TENM3: variants seen among roughly 807,000 people sequenced by gnomAD.
The protein encoded by TENM3 is teneurin-3.
A neutral mutation model predicts 255.1 loss-of-function variants in TENM3; 63 were observed. The ratio of observed to expected loss-of-function variants is 0.25; its 90% confidence interval spans 0.20 to 0.30. TENM3 has a LOEUF of 0.30. Among genes scored for constraint, TENM3 ranks in the 10% least tolerant of loss-of-function variants. TENM3 has a pLI of 1.00. For synonymous variants in TENM3, 1,306 were observed against 1,322.3 expected (o/e 0.99, Z 0.27); for missense variants, 2,929 against 3,461.1 (o/e 0.85, Z 3.86).
At chr4:181,854,565 G>A in the TENM3 span, among the ~76,000 whole-genome samples, 37 of 152,164 alleles carry the variant, frequency 2.4e-4, no homozygotes, top group Middle Eastern at 3.4e-3. Flanking sequence ...AATTGTTGCC[G>A]AATCATGCCA....
the TENM3 span, among the ~76,000 whole-genome samples, chr4:181,784,494 C>A: frequency 6.6e-6 from 1 of 151,962 alleles, no homozygotes; most frequent in East Asian, 1.9e-4. Context: ...ACAAGTGAGA[C>A]TGGTGAATAG....
intron 3 of TENM3, among the ~76,000 whole-genome samples, chr4:182,478,526 A>AT (rs1484612381): frequency 6.6e-6 from 1 of 151,686 alleles, no homozygotes; most frequent in Admixed American, 6.6e-5. Flanking sequence ...ATTTTTCAAG[A>AT]TTTTTTTGTA....
chr4:181,949,865 GT>G, the TENM3 span, among the ~76,000 whole-genome samples: 1 of 152,038 alleles, frequency 6.6e-6, no homozygotes, highest in Non-Finnish European at 1.5e-5. Flanking sequence ...TGACCTCCAG[GT>G]CTTTCCACTT....
chr4:182,654,002 C>A, intron 6 of TENM3, 109 bp downstream of exon 6: 2 of 1,030,788 alleles, frequency 1.9e-6, no homozygotes, highest in South Asian at 6.9e-5. Context: ...GAAAAGTGTT[C>A]GAAATTACAG....
At chr4:181,990,231 A>T in the TENM3 span, among the ~76,000 whole-genome samples, 2 of 152,184 alleles carry the variant, frequency 1.3e-5, no homozygotes, top group South Asian at 4.1e-4. Context: ...AAGAAGACAT[A>T]TAAGTATTCT....
intron 3 of TENM3, among the ~76,000 whole-genome samples, chr4:182,596,008 A>G (rs975407048): frequency 2.0e-5 from 3 of 152,084 alleles, no homozygotes; most frequent in African/African-American, 7.2e-5. Context: ...CTTTGGGGTG[A>G]GTGGCATGGT....
intron 1 of TENM3, among the ~76,000 whole-genome samples, chr4:182,152,548 A>G (rs529789174): frequency 9.9e-5 from 15 of 151,956 alleles, no homozygotes; most frequent in African/African-American, 3.4e-4. Context: ...CTCAATTGTT[A>G]CTTTGTCCTA....
At chr4:181,459,327 A>G in the TENM3 span, among the ~76,000 whole-genome samples, 1 of 151,876 alleles carries the variant, frequency 6.6e-6, no homozygotes, top group Non-Finnish European at 1.5e-5. Flanking sequence ...CGTTCTGAAA[A>G]GTGTCTTTTG....
At chr4:181,987,529 G>T in the TENM3 span, among the ~76,000 whole-genome samples, 3 of 152,040 alleles carry the variant, frequency 2.0e-5, no homozygotes, top group African/African-American at 7.2e-5. Flanking sequence ...TTTGGCCACA[G>T]GTTACAACTG....
chr4:182,703,499 T>C (rs1758046406), intron 12 of TENM3, among the ~76,000 whole-genome samples: 1 of 152,226 alleles, frequency 6.6e-6, no homozygotes, highest in East Asian at 1.9e-4. Flanking sequence ...TGGAAAACTC[T>C]CATAGAAAGT....
At chr4:181,897,529 A>G in the TENM3 span, among the ~76,000 whole-genome samples, 1,124 of 152,304 alleles carry the variant, frequency 7.4e-3, 8 homozygotes, top group African/African-American at 0.025. Context: ...TATGATACTG[A>G]CTTTAAGTTA....
At chr4:182,316,693 G>T (rs1279554571) in intron 1 of TENM3, among the ~76,000 whole-genome samples, 1 of 147,634 alleles carries the variant, frequency 6.8e-6, no homozygotes, top group Non-Finnish European at 1.5e-5. Flanking sequence ...GCCCTCCAGT[G>T]GTCTCCTCAC....
At chr4:182,435,493 A>G (rs1420889085) in intron 3 of TENM3, among the ~76,000 whole-genome samples, 2 of 152,310 alleles carry the variant, frequency 1.3e-5, no homozygotes, top group African/African-American at 2.4e-5. Flanking sequence ...AAGTGTTAAG[A>G]TGCTTTTTAA....
At chr4:181,562,678 A>ATTT in the TENM3 span, among the ~76,000 whole-genome samples, 940 of 143,236 alleles carry the variant, frequency 6.6e-3, 15 homozygotes, top group South Asian at 0.044. Flanking sequence ...ATTCTTCTTA[A>ATTT]TTTTTTTTTT....
intron 3 of TENM3, among the ~76,000 whole-genome samples, chr4:182,560,159 G>A (rs1410907792): frequency 6.6e-6 from 1 of 150,730 alleles, no homozygotes; most frequent in African/African-American, 2.4e-5. Flanking sequence ...CTGAATCCTG[G>A]CAGCATTGCA....
At position 182,615,046 on chromosome 4, in the gene TENM3, CATAT is replaced by C. The variant is rs10570169; in HGVS notation, c.750-13588_750-13585del. Among the ~76,000 whole-genome samples, 157 of 112,046 alleles carry C rather than the reference CATAT, an allele frequency of 1.4e-3. 1 individual carries two copies. Among genetic ancestry groups the C allele is most frequent in the African/African-American group, 3.9e-3 (124 of 32,186 alleles). The allele number at this position is 112,046 out of a possible 152,430, so 73.5% of individuals were successfully genotyped here. ...TTTCTCAGAAAAAAAAAAAAAAATA[CATAT>C]ATATATATATATATATGTATTTTTT... On this transcript the variant is annotated intron_variant, in intron 4 of 27. Coordinates refer to ENST00000511685, the MANE Select transcript of TENM3 (RefSeq NM_001080477.4).
intron 1 of TENM3, among the ~76,000 whole-genome samples, chr4:182,214,135 G>A (rs1308197586): frequency 6.6e-6 from 1 of 152,126 alleles, no homozygotes; most frequent in Non-Finnish European, 1.5e-5. Flanking sequence ...AGAGAAAGAA[G>A]TATGTGCAGT....
the TENM3 span, among the ~76,000 whole-genome samples, chr4:182,105,739 CT>C: frequency 6.6e-6 from 1 of 152,160 alleles, no homozygotes; most frequent in Admixed American, 6.5e-5. Context: ...ATTTGGCACC[CT>C]TATGTAGCGG....
At chr4:182,298,984 CAAAAAAAAAAAA>C (rs11283401) in intron 1 of TENM3, among the ~76,000 whole-genome samples, 27 of 25,562 alleles carry the variant, frequency 1.1e-3, no homozygotes, top group Admixed American at 1.5e-3. Context: ...GACTCCTTCT[CAAAAAAAAAAAA>C]AAAAAAAAAA....
Sources: gnomAD v4.1 joint callset for allele counts (sites outside exome capture counted in the v4.1 genomes callset) on GRCh38, gnomAD v4.1.1 for gene constraint, MANE v1.5 for transcripts, NCBI Gene and HGNC (gene_info 2026-07-23, HGNC 2026-07-21) for gene names.